Variants in LINGO2 observed in about 807,000 individuals in gnomAD.
The protein encoded by LINGO2 is leucine rich repeat and Ig domain containing 2.
Under a neutral mutation model 30.6 loss-of-function variants are expected in LINGO2, and 14 were observed. The observed-to-expected ratio is 0.46, with a 90% confidence interval of 0.30 to 0.72. The LOEUF (loss-of-function observed/expected upper bound fraction) is 0.72, where lower values mean the gene tolerates loss of function less well. Ranked by LOEUF, LINGO2 falls within the 30% of genes least tolerant of loss-of-function variation. LINGO2 has a pLI of 0.07. For synonymous variants in LINGO2, 317 were observed against 288.5 expected (o/e 1.10, Z -1.00); for missense variants, 729 against 751.7 (o/e 0.97, Z 0.35).
At chr9:28,427,576 A>G (rs1823464733) in intron 2 of LINGO2, among the ~76,000 whole-genome samples, 1 of 152,100 alleles carries the variant, frequency 6.6e-6, no homozygotes, top group Middle Eastern at 3.2e-3. Context: ...ATACAGATGG[A>G]TTTTTCACAG....
At chr9:28,876,400 C>A in the LINGO2 span, among the ~76,000 whole-genome samples, 760 of 147,918 alleles carry the variant, frequency 5.1e-3, 9 homozygotes, top group African/African-American at 0.018. Flanking sequence ...TCCCTCCCCA[C>A]TCCCCGCACC....
chr9:28,774,570 G>C, the LINGO2 span, among the ~76,000 whole-genome samples: 1 of 151,156 alleles, frequency 6.6e-6, no homozygotes, highest in African/African-American at 2.4e-5. Flanking sequence ...TGATTTAAAA[G>C]ATATCTTGTC....
chr9:28,565,820 C>T (rs902844841), intron 1 of LINGO2, among the ~76,000 whole-genome samples: 3 of 152,056 alleles, frequency 2.0e-5, no homozygotes, highest in Non-Finnish European at 4.4e-5. Context: ...TCCCAAAGTG[C>T]TGGGATTACA....
the LINGO2 span, among the ~76,000 whole-genome samples, chr9:28,759,607 G>A: frequency 4.0e-4 from 60 of 151,784 alleles, 1 homozygote; most frequent in African/African-American, 1.4e-3. Context: ...GCGTGAACCC[G>A]GGAGGCGGAG....
At chr9:28,438,006 GGGAA>G (rs2134996881) in intron 2 of LINGO2, among the ~76,000 whole-genome samples, 1 of 152,214 alleles carries the variant, frequency 6.6e-6, no homozygotes, top group South Asian at 2.1e-4. Context: ...AAGAATATGG[GGGAA>G]GTTGTAAGTT....
the LINGO2 span, among the ~76,000 whole-genome samples, chr9:28,950,292 G>T: frequency 0.16 from 24,960 of 152,028 alleles, 2,066 homozygotes; most frequent in South Asian, 0.2. Context: ...AATATCATAT[G>T]GAATGGGTAA....
chr9:28,662,194 A>T (rs1054167969), intron 1 of LINGO2, among the ~76,000 whole-genome samples: 3 of 152,166 alleles, frequency 2.0e-5, no homozygotes, highest in African/African-American at 7.2e-5. Flanking sequence ...GTGTCACACA[A>T]CAGTAGGGCA....
At chr9:28,331,988 G>A (rs904418610) in intron 3 of LINGO2, among the ~76,000 whole-genome samples, 1 of 152,040 alleles carries the variant, frequency 6.6e-6, no homozygotes, top group Non-Finnish European at 1.5e-5. Context: ...TAAAACATTT[G>A]TAGATAATAA....
chr9:28,848,397 G>GTATATATATATATATA, the LINGO2 span, among the ~76,000 whole-genome samples: 2 of 48,416 alleles, frequency 4.1e-5, no homozygotes, highest in African/African-American at 7.2e-5. Context: ...GTGTGTGTGT[G>GTATATATATATATATA]TATATATATA....
At chr9:28,181,688 A>T (rs1403574717) in intron 4 of LINGO2, among the ~76,000 whole-genome samples, 1 of 152,178 alleles carries the variant, frequency 6.6e-6, no homozygotes, top group African/African-American at 2.4e-5. Flanking sequence ...GATTTCTCTG[A>T]CAGTGTCAGC....
the LINGO2 span, among the ~76,000 whole-genome samples, chr9:28,843,376 T>G: frequency 6.6e-6 from 1 of 151,660 alleles, no homozygotes; most frequent in Non-Finnish European, 1.5e-5. Flanking sequence ...TTAAAAATTA[T>G]TCAATTTCCT....
At chr9:28,103,764 A>T (rs1826485863) in intron 4 of LINGO2, among the ~76,000 whole-genome samples, 1 of 152,228 alleles carries the variant, frequency 6.6e-6, no homozygotes, top group Non-Finnish European at 1.5e-5. Flanking sequence ...ATACATGTAC[A>T]CATAGAGAAT....
the LINGO2 span, among the ~76,000 whole-genome samples, chr9:28,817,059 T>A: frequency 3.9e-5 from 6 of 152,172 alleles, no homozygotes; most frequent in Non-Finnish European, 5.9e-5. Flanking sequence ...AGCATGGCAA[T>A]ATGGAAATTT....
the LINGO2 span, among the ~76,000 whole-genome samples, chr9:28,686,836 A>G: frequency 6.6e-6 from 1 of 152,076 alleles, no homozygotes; most frequent in East Asian, 1.9e-4. Flanking sequence ...TTCTGGTGAT[A>G]GGAGTATTTA....
chr9:29,199,094 C>T, the LINGO2 span, among the ~76,000 whole-genome samples: 1 of 151,948 alleles, frequency 6.6e-6, no homozygotes, highest in African/African-American at 2.4e-5. Context: ...AGAAGCTGGC[C>T]CCTCTCATTG....
the LINGO2 span, among the ~76,000 whole-genome samples, chr9:28,966,562 C>T: frequency 6.6e-6 from 1 of 152,056 alleles, no homozygotes; most frequent in Non-Finnish European, 1.5e-5. Flanking sequence ...AGTACTATTA[C>T]TCCTATCTTA....
chr9:29,078,180 A>G, the LINGO2 span, among the ~76,000 whole-genome samples: 4 of 151,988 alleles, frequency 2.6e-5, no homozygotes, highest in South Asian at 8.3e-4. Flanking sequence ...AGGAGCAGCA[A>G]TTAGAGAGAA....
In LINGO2 at chr9:28,425,327, G is replaced by GTTTATA. The variant is rs36056351; in HGVS notation, c.-279+50612_-279+50613insTATAAA. On this transcript the variant is annotated intron_variant, in intron 2 of 5. Coordinates refer to ENST00000379992, the Ensembl canonical transcript of LINGO2. ...GTGTATACACAGTATATATGTGTGT[G>GTTTATA]TGTATATATATATATATAAACACAT... is the stretch of plus-strand genomic sequence containing the variant. Among the ~76,000 whole-genome samples, 296 of 124,550 alleles carry GTTTATA rather than the reference G, an allele frequency of 2.4e-3. 1 individual carries two copies. Among genetic ancestry groups the GTTTATA allele is most frequent in the Middle Eastern group, 0.012 (3 of 252 alleles). The allele number at this position is 124,550 out of a possible 152,430, so 81.7% of individuals were successfully genotyped here.
chr9:29,192,142 T>C, the LINGO2 span, among the ~76,000 whole-genome samples: 2 of 152,186 alleles, frequency 1.3e-5, no homozygotes, highest in Non-Finnish European at 1.5e-5. Context: ...GCAGCATTTA[T>C]ATTAGGGTTG....
Sources: allele counts gnomAD v4.1 joint callset (sites outside exome capture counted in the v4.1 genomes callset), GRCh38; gene constraint gnomAD v4.1.1; transcripts MANE v1.5; gene names NCBI Gene and HGNC (gene_info 2026-07-23, HGNC 2026-07-21).